KLHL1: variants seen among roughly 807,000 people sequenced by gnomAD.
The protein encoded by KLHL1 is kelch-like protein 1.
Under a neutral mutation model 77.7 loss-of-function variants are expected in KLHL1, and 47 were observed. The ratio of observed to expected loss-of-function variants is 0.60; its 90% CI spans 0.48 to 0.77. KLHL1 has a LOEUF of 0.77. Ranked by LOEUF, KLHL1 falls within the 30% of genes least tolerant of loss-of-function variation. The pLI, the probability that KLHL1 is intolerant of heterozygous loss-of-function variation, is 0.00. For missense variants in KLHL1, 925 were observed against 910.8 expected (o/e 1.02, Z -0.20); for synonymous variants, 360 against 325.2 (o/e 1.11, Z -1.15).
chr13:69,915,440 A>G (rs1882393847), intron 4 of KLHL1, among the ~76,000 whole-genome samples: 1 of 152,190 alleles, frequency 6.6e-6, no homozygotes, highest in Non-Finnish European at 1.5e-5. Flanking sequence ...ATAATGCTGC[A>G]TATCTACAAC....
Position 69,839,093 on chromosome 13 carries a change from C to T in KLHL1, c.1297G>A (p.Ala433Thr), listed in dbSNP as rs1164976264. 11 of 1,608,808 alleles carry T rather than the reference C, an allele frequency of 6.8e-6. No homozygotes were observed. Among genetic ancestry groups the T allele is most frequent in the Non-Finnish European group, 9.3e-6 (11 of 1,177,178 alleles). ...TCTGGCAATAGATGGTATTTCATTG[C>T]TTCTAGAATCAGCTTTTGACATTCC... ...DLECQKLILEAMKYHLLPERR... is the reference protein window; with the variant it reads ...DLECQKLILETMKYHLLPERR... The change falls in exon 6 of 11, where the codon GCA becomes ACA. Residue 433 changes from alanine (A) to threonine (T), a missense_variant. By Grantham distance (58) the Ala-to-Thr change is moderately conservative. Transcript: ENST00000377844.
intron 5 of KLHL1, among the ~76,000 whole-genome samples, chr13:69,861,388 A>G (rs1298932521): frequency 6.6e-6 from 1 of 152,020 alleles, no homozygotes; most frequent in Non-Finnish European, 1.5e-5. Context: ...TCACCTCAAT[A>G]TGTTTATCAG....
intron 1 of KLHL1, among the ~76,000 whole-genome samples, chr13:70,050,004 AT>A (rs1886591762): frequency 6.6e-6 from 1 of 152,008 alleles, no homozygotes; most frequent in South Asian, 2.1e-4. Context: ...AAAACAAAAA[AT>A]TAATAATGTA....
chr13:70,076,050 G>A (rs552303938), intron 1 of KLHL1, among the ~76,000 whole-genome samples: 5 of 151,674 alleles, frequency 3.3e-5, no homozygotes, highest in African/African-American at 9.7e-5. Context: ...GTTAAGATGC[G>A]AGTTCTCCCA....
intron 1 of KLHL1, among the ~76,000 whole-genome samples, chr13:70,014,357 A>T (rs1207851686): frequency 6.6e-6 from 1 of 152,130 alleles, no homozygotes; most frequent in African/African-American, 2.4e-5. Context: ...ATGAATGTAC[A>T]ACTTTGTCAA....
intron 1 of KLHL1, among the ~76,000 whole-genome samples, chr13:70,028,525 A>T (rs773600435): frequency 6.6e-6 from 1 of 152,160 alleles, no homozygotes; most frequent in Non-Finnish European, 1.5e-5. Flanking sequence ...GGCAAAAAGC[A>T]GTCTAGGAAT....
At chr13:69,982,496 A>C (rs187386895) in intron 1 of KLHL1, among the ~76,000 whole-genome samples, 1 of 148,056 alleles carries the variant, frequency 6.8e-6, no homozygotes, top group African/African-American at 2.5e-5. Flanking sequence ...AAAAGCAATA[A>C]ATCAAAACAT....
chr13:69,974,558 AATT>A (rs951496656), intron 2 of KLHL1, among the ~76,000 whole-genome samples: 13 of 152,074 alleles, frequency 8.5e-5, no homozygotes, highest in Admixed American at 7.2e-4. Context: ...AGATTGAAGA[AATT>A]ATAGGAAACA....
intron 9 of KLHL1, among the ~76,000 whole-genome samples, chr13:69,713,058 G>A (rs1875956055): frequency 6.6e-6 from 1 of 151,902 alleles, no homozygotes; most frequent in African/African-American, 2.4e-5. Context: ...ACAAATTCCT[G>A]GGCTCAAGTG....
intron 3 of KLHL1, among the ~76,000 whole-genome samples, chr13:69,947,424 G>A (rs1356152040): frequency 6.6e-6 from 1 of 151,950 alleles, no homozygotes; most frequent in Non-Finnish European, 1.5e-5. Context: ...GTATGTCAAT[G>A]TAATAACTTA....
intron 1 of KLHL1, among the ~76,000 whole-genome samples, chr13:70,093,779 T>C (rs1887725940): frequency 6.6e-6 from 1 of 152,174 alleles, no homozygotes; most frequent in African/African-American, 2.4e-5. Flanking sequence ...GGATAGCTCA[T>C]CTCCAGGAGA....
intron 8 of KLHL1, among the ~76,000 whole-genome samples, chr13:69,728,649 CA>C (rs536317353): frequency 1.4e-3 from 191 of 132,504 alleles, no homozygotes; most frequent in Admixed American, 2.1e-3. Context: ...CTAAAAATGC[CA>C]AAAAAAAAAA....
intron 1 of KLHL1, among the ~76,000 whole-genome samples, chr13:70,029,865 CAG>C (rs1886050371): frequency 6.6e-6 from 1 of 152,084 alleles, no homozygotes; most frequent in Admixed American, 6.5e-5. Context: ...ATCTCATGTG[CAG>C]AGACACACGT....
chr13:69,984,017 G>C (rs1884794919), intron 1 of KLHL1, among the ~76,000 whole-genome samples: 2 of 152,112 alleles, frequency 1.3e-5, no homozygotes, highest in South Asian at 2.1e-4. Flanking sequence ...AAATAGGTTA[G>C]AGTCTTAAAT....
intron 7 of KLHL1, among the ~76,000 whole-genome samples, chr13:69,786,284 C>G (rs1405980265): frequency 6.6e-6 from 1 of 152,168 alleles, no homozygotes; most frequent in Admixed American, 6.5e-5. Context: ...CCAAATCCAG[C>G]AGCACATCAA....
intron 4 of KLHL1, among the ~76,000 whole-genome samples, chr13:69,891,227 C>A (rs1881416808): frequency 6.6e-6 from 1 of 151,984 alleles, no homozygotes. Flanking sequence ...TGAATGGCTG[C>A]CAGTTTTCTT....
intron 5 of KLHL1, among the ~76,000 whole-genome samples, chr13:69,876,912 A>T (rs1316657668): frequency 8.6e-5 from 13 of 151,954 alleles, no homozygotes; most frequent in Admixed American, 8.5e-4. Context: ...TGGCGCATGC[A>T]TGTAATCCCA....
In KLHL1 at chr13:69,752,320, CTCTA is replaced by C. The variant is rs548728923; in HGVS notation, c.1640-11768_1640-11765del. ...ACCCCGTTGCCTCTATTTCTGAGGA[CTCTA>C]TCTATGTTTGATTTATCTAAGCAAT... On this transcript the variant is annotated intron_variant, in intron 7 of 10. Coordinates refer to ENST00000377844, the MANE Select transcript of KLHL1 (RefSeq NM_020866.3). Among the ~76,000 whole-genome samples, 1,171 of 152,186 alleles carry C rather than the reference CTCTA, an allele frequency of 7.7e-3. 3 individuals carry two copies. The highest frequency in any genetic ancestry group is 0.02 in the Middle Eastern group (6 of 294).
At chr13:69,950,597 C>A (rs9542130) in intron 3 of KLHL1, among the ~76,000 whole-genome samples, 1 of 151,226 alleles carries the variant, frequency 6.6e-6, no homozygotes, top group African/African-American at 2.4e-5. Context: ...AACTCATGGT[C>A]GTAGAAGTTA....
Sources: gnomAD v4.1 joint callset for allele counts (sites outside exome capture counted in the v4.1 genomes callset) on GRCh38, gnomAD v4.1.1 for gene constraint, MANE v1.5 for transcripts, NCBI Gene and HGNC (gene_info 2026-07-23, HGNC 2026-07-21) for gene names.